PRORP: variants seen among roughly 807,000 people sequenced by gnomAD.
PRORP encodes the protein mitochondrial ribonuclease P catalytic subunit.
PRORP carries 51 observed loss-of-function variants against 59.4 expected under a neutral mutation model. The ratio of observed to expected loss-of-function variants is 0.86; its 90% CI spans 0.69 to 1.08. The LOEUF (loss-of-function observed/expected upper bound fraction) is 1.08. Ranked by LOEUF, PRORP falls within the 50% of genes least tolerant of loss-of-function variation. PRORP has a pLI of 0.00. For missense variants in PRORP, 646 were observed against 690.3 expected (o/e 0.94, Z 0.72); for synonymous variants, 231 against 245.6 (o/e 0.94, Z 0.55).
intron 5 of PRORP, among the ~76,000 whole-genome samples, chr14:35,201,393 C>T (rs2049144712): frequency 6.6e-6 from 1 of 152,028 alleles, no homozygotes; most frequent in Non-Finnish European, 1.5e-5. Flanking sequence ...TGGAATTCTC[C>T]CCATGAAATT....
chr14:35,177,238 C>G (rs2048476970), intron 4 of PRORP, among the ~76,000 whole-genome samples: 1 of 152,114 alleles, frequency 6.6e-6, no homozygotes, highest in Admixed American at 6.5e-5. Flanking sequence ...ACTTTGGTAT[C>G]AGGATGATGT....
chr14:35,167,963 G>A (rs991103797), intron 4 of PRORP, among the ~76,000 whole-genome samples: 3 of 152,160 alleles, frequency 2.0e-5, no homozygotes, highest in African/African-American at 7.2e-5. Context: ...TAGAAGAAAA[G>A]GAGTATTAAA....
At chr14:35,217,706 T>C (rs1462940040) in intron 5 of PRORP, among the ~76,000 whole-genome samples, 3 of 152,134 alleles carry the variant, frequency 2.0e-5, no homozygotes, top group Non-Finnish European at 4.4e-5. Flanking sequence ...ACTATTTTTC[T>C]CCTACTTGAA....
chr14:35,140,274 T>C (rs903043933), intron 4 of PRORP, among the ~76,000 whole-genome samples: 3 of 145,052 alleles, frequency 2.1e-5, no homozygotes, highest in African/African-American at 7.3e-5. Context: ...CCCAACTGTT[T>C]TCCAGAGTGG....
intron 5 of PRORP, among the ~76,000 whole-genome samples, chr14:35,260,035 A>G (rs752367202): frequency 2.2e-4 from 23 of 103,628 alleles, no homozygotes; most frequent in Non-Finnish European, 3.7e-4. Flanking sequence ...TTTTCCAGAT[A>G]GGGTTTCACT....
At chr14:35,232,263 T>C (rs1478918223) in intron 5 of PRORP, among the ~76,000 whole-genome samples, 1 of 151,712 alleles carries the variant, frequency 6.6e-6, no homozygotes, top group African/African-American at 2.4e-5. Flanking sequence ...TGGAGTGCAG[T>C]GACACAAACA....
chr14:35,270,660 GAA>G, intron 7 of PRORP, 64 bp downstream of exon 7: 1 of 1,405,022 alleles, frequency 7.1e-7, no homozygotes, highest in Non-Finnish European at 9.9e-7. Flanking sequence ...ATGTGGCATA[GAA>G]AAAGAGTGTC....
chr14:35,151,934 C>CTTTTTTTTTTTTTT (rs11342103), intron 4 of PRORP, among the ~76,000 whole-genome samples: 1 of 124,838 alleles, frequency 8.0e-6, no homozygotes, highest in Non-Finnish European at 1.7e-5. Flanking sequence ...GTTAATCCAT[C>CTTTTTTTTTTTTTT]TTTTTTTTTT....
At chr14:35,245,693 T>C (rs1307515974) in intron 5 of PRORP, among the ~76,000 whole-genome samples, 1 of 152,192 alleles carries the variant, frequency 6.6e-6, no homozygotes, top group African/African-American at 2.4e-5. Flanking sequence ...GATGACAGTA[T>C]GCAATGTGGC....
At chr14:35,191,565 T>G (rs2048884377) in intron 5 of PRORP, among the ~76,000 whole-genome samples, 1 of 152,040 alleles carries the variant, frequency 6.6e-6, no homozygotes, top group South Asian at 2.1e-4. Flanking sequence ...TAGCTGGATG[T>G]GATGGCATGC....
At chr14:35,237,539 C>T (rs1322779251) in intron 5 of PRORP, among the ~76,000 whole-genome samples, 1 of 152,172 alleles carries the variant, frequency 6.6e-6, no homozygotes, top group Non-Finnish European at 1.5e-5. Flanking sequence ...TCCTCTTCCA[C>T]AGGCAAAAAT....
intron 4 of PRORP, among the ~76,000 whole-genome samples, chr14:35,149,836 T>C (rs987439219): frequency 1.3e-5 from 2 of 152,152 alleles, no homozygotes; most frequent in East Asian, 1.9e-4. Context: ...CTTAGCTTTT[T>C]TGTTTTGTTT....
chr14:35,123,105 T>G lies in PRORP; in HGVS notation c.-141T>G. On this transcript the variant is annotated 5_prime_UTR_variant, in exon 2 of 8. Transcript: ENST00000534898. ...TAGCCCCAAAAGCAGAACCTTGATT[T>G]GTCTGTAAGGAAGAAACACAAACCT... 1 of 845,712 alleles carries G rather than the reference T, an allele frequency of 1.2e-6. No individual in the cohort carries two copies. Among genetic ancestry groups the G allele is most frequent in the Non-Finnish European group, 1.8e-6 (1 of 554,198 alleles). The allele number at this position is 845,712 out of a possible 1,614,324, so 52.4% of individuals were successfully genotyped here. A position where few individuals can be genotyped will look rare whatever the true frequency, so the allele number is the denominator to read the frequency against.
Position 35,123,622 on chromosome 14 carries a change from A to C in PRORP, c.377A>C (p.Lys126Thr), listed in dbSNP as rs1334535965. 6.2e-7 allele frequency: 1 copy of C among 1,614,224 alleles called. No individual in the cohort carries two copies. The highest frequency in any genetic ancestry group is 1.7e-5 in the Admixed American group (1 of 60,014). The change falls in exon 2 of 8, where the codon AAA becomes ACA. Residue 126 changes from lysine (K) to threonine (T), a missense_variant. Transcript: ENST00000534898. The stretch of plus-strand genomic sequence containing the variant: ...CCTTTGAATTCAGAGGAGTGGGATA[A>C]ACTTAAGGAAGATTTAAAAGAAAAC... Reference protein sequence around the residue: ...TQPLNSEEWDKLKEDLKENTG... With the variant: ...TQPLNSEEWDTLKEDLKENTG...
At chr14:35,211,298 T>C (rs531114163) in intron 5 of PRORP, among the ~76,000 whole-genome samples, 23 of 152,324 alleles carry the variant, frequency 1.5e-4, no homozygotes, top group African/African-American at 5.5e-4. Flanking sequence ...TTATTTGTTT[T>C]TGTTTACTGA....
chr14:35,188,922 G>A (rs1020645960), intron 5 of PRORP, among the ~76,000 whole-genome samples: 4 of 131,256 alleles, frequency 3.0e-5, no homozygotes, highest in Non-Finnish European at 6.2e-5. Flanking sequence ...CCAGCCTGGC[G>A]ACAGAGCAAG....
intron 4 of PRORP, among the ~76,000 whole-genome samples, chr14:35,136,621 CA>C (rs1330976110): frequency 1.4e-5 from 2 of 145,258 alleles, no homozygotes; most frequent in African/African-American, 4.9e-5. Context: ...GTGATCCACC[CA>C]CCTCGGCCTC....
In PRORP at chr14:35,124,026, AAC is replaced by A; in HGVS notation, c.785_786del (p.Thr262SerfsTer12). ...IQGALLHQDVNTAWNLYQELL... is the reference protein window; with the variant it reads ...IQGALLHQDVXTAWNLYQELL... ...GGGAGCTCTCCTTCATCAAGATGTA[AAC>A]ACAGCTTGGAATTTATATCAGGAAT... On this transcript the variant is annotated frameshift_variant, in exon 2 of 8. Transcript: ENST00000534898. LOFTEE classifies it high-confidence loss of function. 5 of 1,613,870 alleles carry A rather than the reference AAC, an allele frequency of 3.1e-6. No individual in the cohort carries two copies. The highest frequency in any genetic ancestry group is 4.2e-6 in the Non-Finnish European group (5 of 1,179,856).
At chr14:35,270,660 G>A in intron 7 of PRORP, 64 bp downstream of exon 7, 1 of 1,405,018 alleles carries the variant, frequency 7.1e-7, no homozygotes. Context: ...ATGTGGCATA[G>A]AAAAAGAGTG....
Sources: gnomAD v4.1 joint callset for allele counts (sites outside exome capture counted in the v4.1 genomes callset) on GRCh38, gnomAD v4.1.1 for gene constraint, MANE v1.5 for transcripts, NCBI Gene and HGNC (gene_info 2026-07-23, HGNC 2026-07-21) for gene names.